The following ALOX5 variants were observed in gnomAD, a reference collection of about 807,000 sequenced individuals.
The protein encoded by ALOX5 is arachidonate 5-lipoxygenase.
In ALOX5, 64 loss-of-function variants were observed where a neutral mutation model predicts 87.9. That is an observed-to-expected ratio of 0.73 (90% CI 0.60 to 0.90). The LOEUF is 0.90. Ranked by LOEUF, ALOX5 falls within the 40% of genes least tolerant of loss-of-function variation. ALOX5 has a pLI of 0.00. For synonymous variants in ALOX5, 388 were observed against 355.1 expected, an observed-to-expected ratio of 1.09 and a Z score of -1.04; for missense variants, 822 against 907.5, an observed-to-expected ratio of 0.91 and a Z score of 1.21.
chr10:45,441,415 T>C lies in ALOX5; in HGVS notation c.1257T>C (p.Cys419=). 1 of 1,613,462 alleles carries C rather than the reference T, an allele frequency of 6.2e-7. No homozygotes were observed. Among genetic ancestry groups the C allele is most frequent in the Non-Finnish European group, 8.5e-7 (1 of 1,179,526 alleles). ...CCCGTGAGCAGCTCATCTGCGAGTG[T>C]GGCCTCTTTGACAAGGTGGGTGCCC... ...TKAREQLICE[C]GLFDKANATG... is the part of the protein sequence containing the mutation. Residue 419 remains cysteine (C), a synonymous_variant, in exon 9 of 14, where the codon TGT becomes TGC. Transcript: ENST00000374391.
chr10:45,397,930 C>T lies in ALOX5; in HGVS notation c.431+1994C>T, dbSNP rs989781753. Reference sequence around the variant, plus strand: ...GCAATACCCCACAAATTAATGTACACGTTCAACACAACCCTTATCAAAATT... The same window carrying T: ...GCAATACCCCACAAATTAATGTACATGTTCAACACAACCCTTATCAAAATT... On this transcript the variant is annotated intron_variant, in intron 3 of 13. Transcript: ENST00000374391. 3.3e-5 allele frequency among the ~76,000 whole-genome samples: 5 copies of T among 152,144 alleles called. No homozygotes were observed. The East Asian group carries it at 5.8e-4, about 18-fold the overall frequency.
At chr10:45,383,638 AC>A (rs538469779) in intron 2 of ALOX5, among the ~76,000 whole-genome samples, 297 of 152,230 alleles carry the variant, frequency 2.0e-3, no homozygotes, top group Non-Finnish European at 3.7e-3. Flanking sequence ...GATGACTGTT[AC>A]CCCCATTTTA....
intron 8 of ALOX5, 89 bp downstream of exon 8, chr10:45,440,722 G>A (rs1297274179): frequency 7.0e-7 from 1 of 1,422,052 alleles, no homozygotes; most frequent in African/African-American, 1.4e-5. Flanking sequence ...GGGGACCTGT[G>A]GCTGGGAGTG....
At chr10:45,383,590 T>C (rs771388272) in intron 2 of ALOX5, among the ~76,000 whole-genome samples, 3 of 152,232 alleles carry the variant, frequency 2.0e-5, no homozygotes, top group Non-Finnish European at 4.4e-5. Context: ...CTGTAGCTAG[T>C]GTGTTCTTCA....
chr10:45,390,255 C>T (rs1052765334), intron 2 of ALOX5, among the ~76,000 whole-genome samples: 1 of 152,176 alleles, frequency 6.6e-6, no homozygotes, highest in East Asian at 1.9e-4. Flanking sequence ...GACTTTAACA[C>T]CCCACTGTCA....
At chr10:45,414,074 T>C (rs1046988267) in intron 4 of ALOX5, among the ~76,000 whole-genome samples, 1 of 152,178 alleles carries the variant, frequency 6.6e-6, no homozygotes, top group Admixed American at 6.5e-5. Flanking sequence ...CTGCACAGAA[T>C]TGGGAAAAAC....
chr10:45,394,804 C>G (rs915589342), intron 2 of ALOX5, among the ~76,000 whole-genome samples: 2 of 152,176 alleles, frequency 1.3e-5, no homozygotes, highest in African/African-American at 2.4e-5. Flanking sequence ...AGGATATGAA[C>G]AGACACTTCT....
intron 9 of ALOX5, chr10:45,441,670 AC>A: frequency 2.6e-6 from 1 of 379,676 alleles, no homozygotes; most frequent in Non-Finnish European, 4.4e-6. Context: ...CCCTCCTCCC[AC>A]CCCTCCCCTC....
chr10:45,443,671 G>T, intron 11 of ALOX5, 57 bp from the exon 12 acceptor site: 1 of 1,589,004 alleles, frequency 6.3e-7, no homozygotes, highest in Non-Finnish European at 8.6e-7. Context: ...CGGGGTGGGC[G>T]CCGGGCCCTG....
In ALOX5 at chr10:45,443,159, A is replaced by T. The variant is rs1457552688; in HGVS notation, c.1394A>T (p.Asp465Val). The change falls in exon 10 of 14, where the codon GAC (aspartate) becomes GTC (valine). Residue 465 changes from aspartate (D) to valine (V), a missense_variant. By Grantham distance (152) the Asp-to-Val change is radical. Coordinates refer to ENST00000374391, the MANE Select transcript of ALOX5 (RefSeq NM_000698.5). ...IKARGMESKEDIPYYFYRDDG... is the reference protein window; with the variant it reads ...IKARGMESKEVIPYYFYRDDG... ...GCCCGGGGCATGGAGAGCAAAGAAG[A>T]CATCCCCTACTACTTCTACCGGGAC... 1 of 1,613,804 alleles carries T rather than the reference A, an allele frequency of 6.2e-7. No individual in the cohort carries two copies. Among genetic ancestry groups the T allele is most frequent in the Non-Finnish European group, 8.5e-7 (1 of 1,179,980 alleles).
Position 45,443,551 on chromosome 10 carries a change from G to A in ALOX5, c.1573+14G>A. 1 of 1,607,398 alleles carries A rather than the reference G, an allele frequency of 6.2e-7. No individual in the cohort carries two copies. Among genetic ancestry groups the A allele is most frequent in the Non-Finnish European group, 8.5e-7 (1 of 1,175,868 alleles). On this transcript the variant is annotated intron_variant, in intron 11 of 13. Coordinates refer to ENST00000374391, the MANE Select transcript of ALOX5 (RefSeq NM_000698.5). ...GCAAGTCCTCAGGTAGGGCCTCCGG[G>A]ACGTCTCCGGACCCGGCTCCCCCGC...
At chr10:45,413,210 C>T (rs1318794547) in intron 4 of ALOX5, among the ~76,000 whole-genome samples, 2 of 152,016 alleles carry the variant, frequency 1.3e-5, no homozygotes, top group African/African-American at 4.8e-5. Flanking sequence ...ACTGGCAAAC[C>T]GAATCCAGCA....
intron 1 of ALOX5, among the ~76,000 whole-genome samples, chr10:45,381,742 G>C (rs1449569395): frequency 2.0e-5 from 3 of 152,364 alleles, no homozygotes; most frequent in Admixed American, 1.3e-4. Context: ...CACCATCCTG[G>C]CTCACTGGAT....
intron 6 of ALOX5, among the ~76,000 whole-genome samples, chr10:45,426,417 A>G (rs55729342): frequency 6.6e-6 from 1 of 152,114 alleles, no homozygotes; most frequent in African/African-American, 2.4e-5. Flanking sequence ...TGCCCCGTCT[A>G]ATACACACCA....
At chr10:45,378,681 C>G (rs2132667949) in intron 1 of ALOX5, among the ~76,000 whole-genome samples, 1 of 152,324 alleles carries the variant, frequency 6.6e-6, no homozygotes, top group Non-Finnish European at 1.5e-5. Flanking sequence ...AGGCCTTTAT[C>G]TGTCATTCTT....
chr10:45,398,973 A>G (rs916378950), intron 3 of ALOX5, among the ~76,000 whole-genome samples: 2 of 152,244 alleles, frequency 1.3e-5, no homozygotes, highest in African/African-American at 2.4e-5. Context: ...CCCAACAGAA[A>G]TGGAAACATA....
chr10:45,426,253 C>T lies in ALOX5; in HGVS notation c.834+1121C>T, dbSNP rs1017225125. On this transcript the variant is annotated intron_variant, in intron 6 of 13. Coordinates refer to ENST00000374391, the MANE Select transcript of ALOX5 (RefSeq NM_000698.5). Reference sequence around the variant, plus strand: ...ATTGGAAGACTCTGAGCAGCCATCTCTGCACCCAGCAGCCAAGGAGTGGCC... The same window carrying T: ...ATTGGAAGACTCTGAGCAGCCATCTTTGCACCCAGCAGCCAAGGAGTGGCC... 7.9e-5 allele frequency among the ~76,000 whole-genome samples: 12 copies of T among 152,340 alleles called. No homozygotes were observed. In the East Asian group the frequency reaches 1.7e-3, roughly 22 times the overall value.
chr10:45,388,427 G>T (rs1422334064), intron 2 of ALOX5, among the ~76,000 whole-genome samples: 1 of 152,224 alleles, frequency 6.6e-6, no homozygotes, highest in East Asian at 1.9e-4. Context: ...TAGCCTAACT[G>T]GGAGGCACCC....
intron 7 of ALOX5, among the ~76,000 whole-genome samples, chr10:45,430,663 A>G (rs1458536739): frequency 6.6e-6 from 1 of 152,210 alleles, no homozygotes; most frequent in Admixed American, 6.5e-5. Context: ...TTATGATTAC[A>G]TATTTTTTAA....
Sources: allele counts gnomAD v4.1 joint callset (sites outside exome capture counted in the v4.1 genomes callset), GRCh38; gene constraint gnomAD v4.1.1; transcripts MANE v1.5; gene names NCBI Gene and HGNC (gene_info 2026-07-23, HGNC 2026-07-21).